The following FGF13 variants were observed in gnomAD, a reference collection of about 807,000 sequenced individuals.
FGF13 encodes the protein fibroblast growth factor 13, also known as fibroblast growth factor homologous factor 2.
Under a neutral mutation model 19.5 loss-of-function variants are expected in FGF13, and 2 were observed. The observed-to-expected ratio is 0.10, with a 90% CI of 0.04 to 0.32. The LOEUF is 0.32. Ranked by LOEUF, FGF13 falls within the 10% of genes least tolerant of loss-of-function variation. The pLI is 1.00. For missense variants in FGF13, 113 were observed against 192.7 expected (o/e 0.59, Z 2.45); for synonymous variants, 72 against 76.9 (o/e 0.94, Z 0.33).
intron 1 of FGF13, among the ~76,000 whole-genome samples, chrX:139,162,781 A>G (rs1049023731): frequency 8.0e-5 from 9 of 112,586 alleles, no homozygotes; most frequent in Non-Finnish European, 1.3e-4. Context: ...ACCAACAAAC[A>G]TATGAAAAAA....
intron 1 of FGF13, among the ~76,000 whole-genome samples, chrX:138,971,001 G>T (rs1377144931): frequency 9.0e-6 from 1 of 111,685 alleles, no homozygotes. Context: ...GATTAAGTGG[G>T]TTCATGATGA....
intron 1 of FGF13, among the ~76,000 whole-genome samples, chrX:139,118,558 T>A (rs766201623): frequency 8.9e-6 from 1 of 111,872 alleles, no homozygotes; most frequent in African/African-American, 3.2e-5. Context: ...TGTAACCCTT[T>A]ATGCCTTCTA....
chrX:139,038,584 C>T (rs1345086734), intron 1 of FGF13, among the ~76,000 whole-genome samples: 5 of 111,627 alleles, frequency 4.5e-5, no homozygotes, highest in African/African-American at 1.6e-4. Flanking sequence ...ACAGGCCAAG[C>T]TCTTTCCACT....
chrX:138,647,439 G>A (rs1409973884), intron 3 of FGF13, among the ~76,000 whole-genome samples: 8 of 111,086 alleles, frequency 7.2e-5, no homozygotes, highest in Non-Finnish European at 1.3e-4. Flanking sequence ...AACTGCCATC[G>A]CCTGTGATGC....
chrX:139,075,661 C>T (rs2083327486), intron 1 of FGF13, among the ~76,000 whole-genome samples: 1 of 111,623 alleles, frequency 9.0e-6, no homozygotes, highest in Non-Finnish European at 1.9e-5. Context: ...AAAGAAGGCT[C>T]TCAACTTGTC....
rs1178448715 is a variant in FGF13, at chrX:138,916,158, C to T, written c.-112-51508G>A. On this transcript the variant is annotated intron_variant, in intron 1 of 2. Transcript: ENST00000421460. ...ATCTGTTCCATAATTCGCAGTGAGT[C>T]GATTGCAAGACAGCAGGAGATGACT... Among the ~76,000 whole-genome samples the T allele has an allele frequency of 1.8e-5, 2 of 111,717 alleles. 1 individual carries two copies. The highest frequency in any genetic ancestry group is 9.4e-3 in the Middle Eastern group (2 of 213).
At chrX:139,063,962 G>A (rs959765832) in intron 1 of FGF13, among the ~76,000 whole-genome samples, 3 of 111,261 alleles carry the variant, frequency 2.7e-5, no homozygotes. Flanking sequence ...CAGTATGACT[G>A]TGTACTCATC....
Position 138,757,671 on chromosome X carries a change from T to C in FGF13, c.218-48743A>G, listed in dbSNP as rs755886352. ...CAACACAGGATCTCTGACCTTGAAT[T>C]GTTTAGACGAATAAGGAAGACAATA... On this transcript the variant is annotated intron_variant, in intron 3 of 6. Coordinates refer to the FGF13 transcript ENST00000436198. 1.6e-3 allele frequency among the ~76,000 whole-genome samples: 182 copies of C among 111,144 alleles called. 1 individual carries two copies. Among genetic ancestry groups the C allele is most frequent in the Non-Finnish European group, 2.7e-3 (145 of 53,021 alleles).
intron 3 of FGF13, among the ~76,000 whole-genome samples, chrX:138,786,967 C>T (rs2090698227): frequency 8.9e-6 from 1 of 112,253 alleles, no homozygotes; most frequent in Admixed American, 9.4e-5. Flanking sequence ...GGAAATCCTA[C>T]ATAGTGAAGC....
chrX:138,873,919 C>T (rs370856191), intron 1 of FGF13, among the ~76,000 whole-genome samples: 1 of 101,663 alleles, frequency 9.8e-6, no homozygotes. Context: ...AACCAAACAC[C>T]GCATGTTCTC....
intron 3 of FGF13, among the ~76,000 whole-genome samples, chrX:138,779,454 C>T (rs2090619334): frequency 9.1e-6 from 1 of 109,475 alleles, no homozygotes; most frequent in African/African-American, 3.3e-5. Context: ...ATAACCAATA[C>T]AGAGAAGTGC....
At chrX:139,086,685 T>G (rs2083405739) in intron 1 of FGF13, among the ~76,000 whole-genome samples, 1 of 112,309 alleles carries the variant, frequency 8.9e-6, no homozygotes, top group Non-Finnish European at 1.9e-5. Context: ...GTATTATGTA[T>G]CCATAATAAT....
intron 1 of FGF13, among the ~76,000 whole-genome samples, chrX:139,083,873 AAAAT>A (rs1013265207): frequency 9.1e-6 from 1 of 110,202 alleles, no homozygotes; most frequent in Non-Finnish European, 1.9e-5. Context: ...CTCAAATAAA[AAAAT>A]AAATAAATAA....
At chrX:138,746,549 G>A (rs1019027688) in intron 3 of FGF13, among the ~76,000 whole-genome samples, 1 of 111,946 alleles carries the variant, frequency 8.9e-6, no homozygotes, top group South Asian at 3.7e-4. Context: ...CAATGCAGAT[G>A]GACCTCACCA....
chrX:138,958,946 G>A (rs776608103), intron 1 of FGF13, among the ~76,000 whole-genome samples: 21 of 111,102 alleles, frequency 1.9e-4, no homozygotes, highest in Middle Eastern at 4.6e-3. Flanking sequence ...TGATCTATCC[G>A]TTTTGTTGAT....
intron 1 of FGF13, among the ~76,000 whole-genome samples, chrX:138,893,629 T>C (rs1210765357): frequency 9.0e-6 from 1 of 110,784 alleles, no homozygotes; most frequent in Non-Finnish European, 1.9e-5. Flanking sequence ...ATCAATCACT[T>C]AAGGGTAAGG....
downstream of FGF13, among the ~76,000 whole-genome samples, chrX:138,856,443 G>T (rs191793705): frequency 6.3e-3 from 707 of 111,742 alleles, 6 homozygotes; most frequent in African/African-American, 0.022. Context: ...TAACCCACAT[G>T]CCAGTCTCTC....
At chrX:139,069,536 C>T (rs1373625276) in intron 1 of FGF13, among the ~76,000 whole-genome samples, 2 of 97,134 alleles carry the variant, frequency 2.1e-5, no homozygotes, top group East Asian at 3.4e-4. Context: ...GTGGGTGCAG[C>T]GCCCCAGCAT....
chrX:139,099,503 T>A (rs761157055), intron 1 of FGF13, among the ~76,000 whole-genome samples: 5 of 110,871 alleles, frequency 4.5e-5, no homozygotes, highest in Non-Finnish European at 9.4e-5. Context: ...ATGGTTGTCC[T>A]TTTGCTTCAT....
Sources: allele counts gnomAD v4.1 joint callset (sites outside exome capture counted in the v4.1 genomes callset), GRCh38; gene constraint gnomAD v4.1.1; transcripts MANE v1.5; gene names NCBI Gene and HGNC (gene_info 2026-07-23, HGNC 2026-07-21).